ERICH5: variants seen among roughly 807,000 people sequenced by gnomAD.
ERICH5 encodes the protein glutamate rich 5.
ERICH5 carries 24 observed loss-of-function variants against 28.0 expected under a neutral mutation model. That is an observed-to-expected ratio of 0.86 (90% CI 0.62 to 1.21). ERICH5 has a LOEUF of 1.21. Ranked by LOEUF, ERICH5 falls within the 50% of genes most tolerant of loss-of-function variation. The pLI is 0.00. For synonymous variants in ERICH5, 163 were observed against 157.6 expected (o/e 1.03, Z -0.25); for missense variants, 421 against 441.2 (o/e 0.95, Z 0.41).
At chr8:98,091,840 C>CTT (rs1359285283) in intron 2 of ERICH5, among the ~76,000 whole-genome samples, 50 of 52,612 alleles carry the variant, frequency 9.5e-4, no homozygotes, top group South Asian at 3.1e-3. Context: ...TTTTCTTTTT[C>CTT]TTTCTTTCTT....
intron 1 of ERICH5, among the ~76,000 whole-genome samples, chr8:98,074,262 A>G (rs1815008132): frequency 6.6e-6 from 1 of 152,124 alleles, no homozygotes; most frequent in South Asian, 2.1e-4. Context: ...TAAGTCAATA[A>G]TAGCACAAAT....
chr8:98,084,427 G>T (rs1437969861), intron 1 of ERICH5, among the ~76,000 whole-genome samples: 1 of 152,082 alleles, frequency 6.6e-6, no homozygotes, highest in Non-Finnish European at 1.5e-5. Context: ...TTGTCCCCCA[G>T]GCTGGAGTGC....
At chr8:98,079,593 G>A (rs1209953086) in intron 1 of ERICH5, among the ~76,000 whole-genome samples, 1 of 152,206 alleles carries the variant, frequency 6.6e-6, no homozygotes. Context: ...AGGCTGGAGT[G>A]CAGTGGCGCA....
intron 1 of ERICH5, among the ~76,000 whole-genome samples, chr8:98,073,585 C>T (rs1247580482): frequency 7.3e-6 from 1 of 137,136 alleles, no homozygotes; most frequent in African/African-American, 2.7e-5. Context: ...CTGTGTCGCC[C>T]AGGCTGGAGT....
Position 98,093,316 on chromosome 8 carries a change from C to T in ERICH5, c.1108C>T (p.Leu370Phe), listed in dbSNP as rs764160240. 1 of 1,613,008 alleles carries T rather than the reference C, an allele frequency of 6.2e-7. No homozygotes were observed. Among genetic ancestry groups the T allele is most frequent in the Non-Finnish European group, 8.5e-7 (1 of 1,179,186 alleles). The part of the protein sequence containing the change: ...KEEETGEVVD[L>F]SAAT ...AGAAGAAACAGGAGAAGTGGTGGAC[C>T]TTTCAGCAGCCACATAGATAGAAGA... Residue 370 changes from leucine (L) to phenylalanine (F), a missense_variant, in exon 3 of 3, where the codon CTT (leucine) becomes TTT (phenylalanine). By Grantham distance (22) the Leu-to-Phe change is conservative (BLOSUM62 0). Coordinates refer to ENST00000318528, the MANE Select transcript of ERICH5 (RefSeq NM_173549.3).
rs769493833 is a variant in ERICH5, at chr8:98,089,661, C to A, written c.644C>A (p.Ala215Asp). ...GGCACAGTGGGAAAGGATGAGCAGG[C>A]CCCGCTTCTAGAAACAATTTCCAAA... Reference protein sequence around the residue: ...PQGTVGKDEQAPLLETISKEN... With the variant: ...PQGTVGKDEQDPLLETISKEN... The change falls in exon 2 of 3, where the codon GCC (alanine) becomes GAC (aspartate). Residue 215 changes from alanine (A) to aspartate (D), a missense_variant. Physicochemically the swap from Ala to Asp is moderately radical, Grantham distance 126 (BLOSUM62 -2). Transcript: ENST00000318528. The A allele has an allele frequency of 9.9e-6, 16 of 1,614,084 alleles. No individual in the cohort carries two copies. Among genetic ancestry groups the A allele is most frequent in the Non-Finnish European group, 1.4e-5 (16 of 1,180,024 alleles).
At chr8:98,069,639 T>C (rs938592043) in intron 1 of ERICH5, among the ~76,000 whole-genome samples, 3 of 152,228 alleles carry the variant, frequency 2.0e-5, no homozygotes, top group Non-Finnish European at 4.4e-5. Flanking sequence ...TTACAGTCTT[T>C]CCCTGTTGCA....
At chr8:98,069,049 T>G (rs762233870) in intron 1 of ERICH5, among the ~76,000 whole-genome samples, 54 of 152,338 alleles carry the variant, frequency 3.5e-4, no homozygotes, top group Non-Finnish European at 2.4e-4. Flanking sequence ...AAAGTTTTCC[T>G]TTTGAATTGA....
intron 2 of ERICH5, among the ~76,000 whole-genome samples, chr8:98,092,837 G>A (rs1159018847): frequency 6.0e-5 from 9 of 149,924 alleles, no homozygotes; most frequent in African/African-American, 9.9e-5. Context: ...GTGCAGTGGC[G>A]TGATCTCAGC....
Position 98,089,064 on chromosome 8 carries a change from G to T in ERICH5, c.59-12G>T. ...TCTCTTTTCTTTTTCTTTTTCAAAT[G>T]AATAACCAAAGTAACTTCAAATGAG... On this transcript the variant is annotated splice_polypyrimidine_tract_variant and intron_variant, in intron 1 of 2. Coordinates refer to ENST00000318528, the MANE Select transcript of ERICH5 (RefSeq NM_173549.3). 3 of 1,567,652 alleles carry T rather than the reference G, an allele frequency of 1.9e-6. No homozygotes were observed. Among genetic ancestry groups the T allele is most frequent in the South Asian group, 2.4e-5 (2 of 84,964 alleles).
chr8:98,080,558 A>G (rs561229449), intron 1 of ERICH5, among the ~76,000 whole-genome samples: 2 of 152,062 alleles, frequency 1.3e-5, no homozygotes, highest in East Asian at 1.9e-4. Flanking sequence ...TTGTTTTCCA[A>G]TCTTTCATTT....
Position 98,078,337 on chromosome 8 carries a change from C to T in ERICH5, c.59-10739C>T, listed in dbSNP as rs75005004. Among the ~76,000 whole-genome samples, 860 of 152,240 alleles carry T rather than the reference C, an allele frequency of 5.6e-3. 8 individuals are homozygous for T. The highest frequency in any genetic ancestry group is 0.018 in the African/African-American group (764 of 41,552). ...GTGGACTACTCCTCTGGGGTTGACT[C>T]GTGCTACATTCTTGGTTCCAAAACC... On this transcript the variant is annotated intron_variant, in intron 1 of 2. Coordinates refer to ENST00000318528, the MANE Select transcript of ERICH5 (RefSeq NM_173549.3).
intron 2 of ERICH5, among the ~76,000 whole-genome samples, chr8:98,092,741 G>T (rs1003242146): frequency 6.6e-6 from 1 of 151,958 alleles, no homozygotes; most frequent in African/African-American, 2.4e-5. Context: ...GCCATTCAGA[G>T]GCTCTGAGAG....
chr8:98,072,939 GAGT>G, intron 1 of ERICH5, among the ~76,000 whole-genome samples: 1 of 152,044 alleles, frequency 6.6e-6, no homozygotes, highest in African/African-American at 2.4e-5. Context: ...ATAAACCACA[GAGT>G]TTCTTTTTTG....
At chr8:98,091,892 C>CTT (rs1376791054) in intron 2 of ERICH5, among the ~76,000 whole-genome samples, 125 of 52,818 alleles carry the variant, frequency 2.4e-3, no homozygotes, top group African/African-American at 7.5e-3. Flanking sequence ...TTCTTTCTTT[C>CTT]TTTCTTTCCT....
chr8:98,074,980 T>C (rs1352809535), intron 1 of ERICH5, among the ~76,000 whole-genome samples: 1 of 152,210 alleles, frequency 6.6e-6, no homozygotes, highest in Non-Finnish European at 1.5e-5. Context: ...ATTGTCCTTG[T>C]TTTTGATGAC....
chr8:98,067,627 T>G (rs906713742), intron 1 of ERICH5, among the ~76,000 whole-genome samples: 5 of 152,098 alleles, frequency 3.3e-5, no homozygotes, highest in African/African-American at 1.2e-4. Context: ...ATCTTTTTTT[T>G]TTTTTGAGAC....
Position 98,089,368 on chromosome 8 carries a change from A to G in ERICH5, c.351A>G (p.Gln117=). 2 of 1,614,268 alleles carry G rather than the reference A, an allele frequency of 1.2e-6. No homozygotes were observed. Among genetic ancestry groups the G allele is most frequent in the South Asian group, 1.1e-5 (1 of 91,082 alleles). The part of the protein sequence containing the change: ...GEGLEESGPP[Q]PGGKEDAPAA... ...GACTGGAGGAATCTGGGCCGCCTCA[A>G]CCAGGTGGCAAAGAGGATGCCCCAG... Residue 117 remains glutamine (Q), a synonymous_variant, in exon 2 of 3, where the codon CAA becomes CAG. Coordinates refer to ENST00000318528, the MANE Select transcript of ERICH5 (RefSeq NM_173549.3).
At chr8:98,079,686 T>C (rs1338384368) in intron 1 of ERICH5, among the ~76,000 whole-genome samples, 1 of 152,096 alleles carries the variant, frequency 6.6e-6, no homozygotes, top group African/African-American at 2.4e-5. Context: ...ATTACAAGCA[T>C]CCACCACCAG....
Sources: gnomAD v4.1 joint callset for allele counts (sites outside exome capture counted in the v4.1 genomes callset) on GRCh38, gnomAD v4.1.1 for gene constraint, MANE v1.5 for transcripts, NCBI Gene and HGNC (gene_info 2026-07-23, HGNC 2026-07-21) for gene names.